GSTM4: variants seen among roughly 807,000 people sequenced by gnomAD.
The protein encoded by GSTM4 is glutathione S-transferase mu 4.
In GSTM4, 27 loss-of-function variants were observed where a neutral mutation model predicts 30.1. The observed-to-expected ratio is 0.90, with a 90% confidence interval of 0.66 to 1.24. GSTM4 has a LOEUF of 1.24. GSTM4 is among the 50% of genes most tolerant of loss of function. GSTM4 has a pLI of 0.00. For missense variants in GSTM4, 238 were observed against 272.1 expected (o/e 0.87, Z 0.88); for synonymous variants, 94 against 96.2 (o/e 0.98, Z 0.13).
At chr1:109,662,307 C>T (rs571106314), downstream of GSTM4, among the ~76,000 whole-genome samples, 10 of 152,234 alleles carry the variant, frequency 6.6e-5, no homozygotes, top group Non-Finnish European at 1.2e-4. Flanking sequence ...TCTTAGATGC[C>T]CAGAGGTGGT....
chr1:109,661,027 G>C (rs1474663349), intron 7 of GSTM4, 138 bp from the exon 8 acceptor site: 3 of 1,147,974 alleles, frequency 2.6e-6, no homozygotes, highest in Non-Finnish European at 1.3e-6. Flanking sequence ...ACCCTAAGAG[G>C]CTGTGTGATG....
downstream of GSTM4, among the ~76,000 whole-genome samples, chr1:109,662,586 A>T (rs1345392073): frequency 1.3e-5 from 2 of 152,264 alleles, no homozygotes; most frequent in African/African-American, 4.8e-5. Context: ...CCATTAAAAA[A>T]TGAGTCAAAA....
chr1:109,657,095 G>A, intron 2 of GSTM4, 120 bp from the exon 3 acceptor site: 2 of 985,996 alleles, frequency 2.0e-6, no homozygotes, highest in South Asian at 2.6e-5. Flanking sequence ...GTGGGACTGA[G>A]TGGTCAGATT....
downstream of GSTM4, among the ~76,000 whole-genome samples, chr1:109,662,747 G>A (rs1652359797): frequency 6.6e-6 from 1 of 152,198 alleles, no homozygotes. Context: ...ACTGACAATT[G>A]CTGGTGATTT....
At chr1:109,664,306 A>T (rs1424185431), downstream of GSTM4, among the ~76,000 whole-genome samples, 1 of 121,936 alleles carries the variant, frequency 8.2e-6, no homozygotes, top group African/African-American at 3.2e-5. Flanking sequence ...GTGTTATGGT[A>T]TTATCATAGA....
At chr1:109,663,456 G>A (rs1652374584), downstream of GSTM4, among the ~76,000 whole-genome samples, 1 of 151,950 alleles carries the variant, frequency 6.6e-6, no homozygotes, top group Non-Finnish European at 1.5e-5. Context: ...TCATGAGGTT[G>A]GGGGTTTGAG....
chr1:109,664,341 C>CCTTTTTTTT (rs1647226667), downstream of GSTM4, among the ~76,000 whole-genome samples: 1 of 35,756 alleles, frequency 2.8e-5, no homozygotes, highest in Non-Finnish European at 4.9e-5. Context: ...GAGAGAATAG[C>CCTTTTTTTT]TTTTTTTTTT....
downstream of GSTM4, among the ~76,000 whole-genome samples, chr1:109,665,712 G>A (rs1053101358): frequency 4.6e-5 from 7 of 152,200 alleles, no homozygotes; most frequent in Admixed American, 3.3e-4. Context: ...GAGATGCCTT[G>A]CAGTAAACTC....
rs1651971311 is a variant in GSTM4, at chr1:109,656,246, G to C, written c.-144G>C. On this transcript the variant is annotated 5_prime_UTR_variant, in exon 1 of 8. Coordinates refer to ENST00000369836, the MANE Select transcript of GSTM4 (RefSeq NM_000850.5). ...CCTTGAAGATCGGCCGGTTGGAAGT[G>C]ACGACCTTGAAGATCGGCGGGCGCA... The C allele has an allele frequency of 1.2e-6, 1 of 818,812 alleles. No homozygotes were observed. The highest frequency in any genetic ancestry group is 1.7e-5 in the African/African-American group (1 of 59,004). 50.7% of individuals were successfully genotyped at this position (818,812 alleles called of 1,614,324 possible). A position where few individuals can be genotyped will look rare whatever the true frequency, so the allele number is the denominator to read the frequency against.
chr1:109,664,097 T>A (rs1403105060), downstream of GSTM4, among the ~76,000 whole-genome samples: 1 of 152,260 alleles, frequency 6.6e-6, no homozygotes, highest in Non-Finnish European at 1.5e-5. Flanking sequence ...ATTTCTAGCA[T>A]TTAATGGCTA....
downstream of GSTM4, among the ~76,000 whole-genome samples, chr1:109,666,069 A>C (rs1263298051): frequency 6.6e-6 from 1 of 152,160 alleles, no homozygotes; most frequent in Non-Finnish European, 1.5e-5. Flanking sequence ...AGTCAGGTAG[A>C]TACCTTCTTT....
In GSTM4 at chr1:109,661,209, C is replaced by T. The variant is rs757441293; in HGVS notation, c.612C>T (p.Leu204=). ...CCTACATGAAGTCCAGCCGCTTCCTCCCAAAACCTCTGTACACAAGGGTGG... is the reference window on the plus strand; with the variant it reads ...CCTACATGAAGTCCAGCCGCTTCCTTCCAAAACCTCTGTACACAAGGGTGG... ...ISAYMKSSRF[L]PKPLYTRVAV... The change falls in exon 8 of 8, where the codon CTC becomes CTT. Residue 204 remains leucine (L), a synonymous_variant. Coordinates refer to ENST00000369836, the MANE Select transcript of GSTM4 (RefSeq NM_000850.5). 24 of 1,611,304 alleles carry T rather than the reference C, an allele frequency of 1.5e-5. No individual in the cohort carries two copies. The Admixed American group carries it at 3.8e-4, about 26-fold the overall frequency.
chr1:109,666,264 G>A (rs994557836), downstream of GSTM4, among the ~76,000 whole-genome samples: 4 of 152,042 alleles, frequency 2.6e-5, no homozygotes, highest in South Asian at 2.1e-4. Context: ...GCTAATTTTC[G>A]TATATTTGGT....
In GSTM4 at chr1:109,661,182, T is replaced by C; in HGVS notation, c.585T>C (p.Ser195=). ...CCTCTCAGGGCTTGGAGAAGATCTC[T>C]GCCTACATGAAGTCCAGCCGCTTCC... is the stretch of plus-strand genomic sequence containing the variant. ...ISRFEGLEKI[S]AYMKSSRFLP... Residue 195 remains serine, a synonymous_variant, in exon 8 of 8, where the codon TCT becomes TCC. Transcript: ENST00000369836. The C allele has an allele frequency of 6.2e-7, 1 of 1,612,428 alleles. No homozygotes were observed. The highest frequency in any genetic ancestry group is 8.5e-7 in the Non-Finnish European group (1 of 1,179,674).
At chr1:109,659,543 G>A in intron 7 of GSTM4, 2 of 520,968 alleles carry the variant, frequency 3.8e-6, no homozygotes, top group Non-Finnish European at 6.6e-6. Context: ...GGATGCAGCT[G>A]GCAATAGTAG....
At chr1:109,660,924 C>T in intron 7 of GSTM4, 1 of 559,736 alleles carries the variant, frequency 1.8e-6, no homozygotes, top group Non-Finnish European at 3.3e-6. Context: ...ACAGAGCACC[C>T]AGCACCGGGT....
chr1:109,659,478 G>A, intron 7 of GSTM4: 1 of 1,053,206 alleles, frequency 9.5e-7, no homozygotes, highest in South Asian at 1.7e-5. Context: ...GCCTCATCCA[G>A]CCTGGATTTC....
chr1:109,666,748 C>T (rs1032882874), downstream of GSTM4, among the ~76,000 whole-genome samples: 13 of 151,990 alleles, frequency 8.6e-5, no homozygotes, highest in African/African-American at 2.2e-4. Flanking sequence ...TTTTTTGAGA[C>T]GGAGTCTTAC....
downstream of GSTM4, among the ~76,000 whole-genome samples, chr1:109,666,038 T>C (rs1423026092): frequency 6.6e-6 from 1 of 152,238 alleles, no homozygotes; most frequent in African/African-American, 2.4e-5. Flanking sequence ...CATTGACTTT[T>C]GGGACCTTTC....
Sources: allele counts gnomAD v4.1 joint callset (sites outside exome capture counted in the v4.1 genomes callset), GRCh38; gene constraint gnomAD v4.1.1; transcripts MANE v1.5; gene names NCBI Gene and HGNC (gene_info 2026-07-23, HGNC 2026-07-21).